Variants in MROH2B observed in about 807,000 individuals in gnomAD.
MROH2B encodes maestro heat-like repeat-containing protein family member 2B.
In MROH2B, 177 loss-of-function variants were observed where a neutral mutation model predicts 208.6. The observed-to-expected ratio is 0.85, with a 90% CI of 0.75 to 0.96. The LOEUF (loss-of-function observed/expected upper bound fraction) is 0.96, where lower values mean the gene tolerates loss of function less well. Among genes scored for constraint, MROH2B ranks in the 40% least tolerant of loss-of-function variants. The probability of loss-of-function intolerance (pLI) is 0.00; values close to 1 mark genes in which losing one functional copy is unlikely to be tolerated. For synonymous variants in MROH2B, 728 were observed against 659.0 expected, an observed-to-expected ratio of 1.10 and a Z score of -1.60; for missense variants, 2,002 against 1,878.7, an observed-to-expected ratio of 1.07 and a Z score of -1.21.
chr5:41,007,295 T>C lies in MROH2B; in HGVS notation c.3749+19A>G, dbSNP rs2111818822. ...TTGTTTTCTTCTTTGTATCTGGTTC[T>C]AGAAAAAGTGCACATTACCTGGCCA... On this transcript the variant is annotated intron_variant, in intron 34 of 41. Transcript: ENST00000399564. 2 of 1,360,556 alleles carry C rather than the reference T, an allele frequency of 1.5e-6. No homozygotes were observed. Among genetic ancestry groups the C allele is most frequent in the South Asian group, 3.8e-5 (2 of 52,098 alleles). 84.3% of individuals were successfully genotyped at this position (1,360,556 alleles called of 1,614,324 possible). A position where few individuals can be genotyped will look rare whatever the true frequency, so the allele number is the denominator to read the frequency against.
intron 40 of MROH2B, 49 bp downstream of exon 40, chr5:40,999,628 G>A: frequency 6.6e-7 from 1 of 1,518,426 alleles, no homozygotes; most frequent in Non-Finnish European, 9.0e-7. Flanking sequence ...AGCAAAACTA[G>A]GTGGAAAAAG....
At chr5:41,061,109 A>G (rs181637016) in intron 6 of MROH2B, among the ~76,000 whole-genome samples, 1 of 152,240 alleles carries the variant, frequency 6.6e-6, no homozygotes. Flanking sequence ...TATTCTTTAG[A>G]TGTTATTTTA....
At chr5:41,001,471 G>A (rs1326293390) in intron 37 of MROH2B, among the ~76,000 whole-genome samples, 1 of 152,124 alleles carries the variant, frequency 6.6e-6, no homozygotes, top group Non-Finnish European at 1.5e-5. Flanking sequence ...CAGCACTTTG[G>A]GAGCAGAGGC....
intron 24 of MROH2B, among the ~76,000 whole-genome samples, chr5:41,032,435 A>C (rs999358792): frequency 5.9e-5 from 9 of 152,120 alleles, no homozygotes; most frequent in African/African-American, 2.2e-4. Flanking sequence ...AAAGATTAAA[A>C]TTTGCCTGGA....
intron 21 of MROH2B, 103 bp downstream of exon 21, chr5:41,038,633 C>A (rs1270071457): frequency 2.6e-6 from 3 of 1,175,990 alleles, no homozygotes; most frequent in Non-Finnish European, 3.5e-6. Context: ...CTGATAAAAA[C>A]ATACCCAAGT....
At chr5:41,004,227 G>T (rs1037881659) in intron 37 of MROH2B, 119 bp downstream of exon 37, 1 of 1,184,210 alleles carries the variant, frequency 8.4e-7, no homozygotes, top group Admixed American at 2.3e-5. Context: ...CAGGTGACCT[G>T]TCTGGGGCAG....
intron 19 of MROH2B, among the ~76,000 whole-genome samples, chr5:41,040,660 A>G (rs950123069): frequency 1.3e-5 from 2 of 152,096 alleles, no homozygotes; most frequent in African/African-American, 4.8e-5. Flanking sequence ...ATTGGACGTC[A>G]CAATTTTTAT....
At chr5:41,037,501 C>T (rs1156442) in intron 21 of MROH2B, among the ~76,000 whole-genome samples, 91,726 of 151,978 alleles carry the variant, frequency 0.6, 28,166 homozygotes, top group Non-Finnish European at 0.66. Context: ...AATTCTTATG[C>T]AACTAAGGTG....
intron 19 of MROH2B, among the ~76,000 whole-genome samples, chr5:41,041,761 A>T (rs1230537568): frequency 6.6e-6 from 1 of 151,630 alleles, no homozygotes; most frequent in Non-Finnish European, 1.5e-5. Context: ...TTCTCTCTAG[A>T]TTAGTCTAGA....
rs760754254 is a variant in MROH2B at position 41,070,839 on chromosome 5, G to A, written c.14C>T (p.Thr5Ile). Residue 5 changes from threonine (T) to isoleucine (I), a missense_variant, in exon 1 of 42, where the codon ACA (threonine) becomes ATA (isoleucine). Transcript: ENST00000399564. The part of the protein sequence containing the change: MTLS[T>I]EESIEMFGDI... The stretch of plus-strand genomic sequence containing the variant: ...ATGATGCTTACCTATGGATTCCTCT[G>A]TACTAAGTGTCATGTCTTGGCTGTT... The A allele has an allele frequency of 1.2e-6, 2 of 1,611,126 alleles. No individual in the cohort carries two copies. Among genetic ancestry groups the A allele is most frequent in the South Asian group, 2.2e-5 (2 of 90,492 alleles).
At chr5:41,019,121 C>T (rs1425402269) in intron 24 of MROH2B, 103 bp from the exon 25 acceptor site, 62 of 1,438,934 alleles carry the variant, frequency 4.3e-5, no homozygotes, top group South Asian at 1.6e-4. Context: ...AGGCAACTAA[C>T]GTGTCACATT....
chr5:41,036,127 TATACACACAC>T lies in MROH2B; in HGVS notation c.2215-2273_2215-2264del, dbSNP rs1297277567. Among the ~76,000 whole-genome samples the T allele has an allele frequency of 6.4e-5, 8 of 124,326 alleles. No individual in the cohort carries two copies. In the South Asian group the frequency reaches 1.7e-3, roughly 27 times the overall value. The allele number at this position is 124,326 out of a possible 152,430, so 81.6% of individuals were successfully genotyped here. A position where few individuals can be genotyped will look rare whatever the true frequency, so the allele number is the denominator to read the frequency against. On this transcript the variant is annotated intron_variant, in intron 21 of 41. Transcript: ENST00000399564. ...CAATGTGGGAGATACATATATTATA[TATACACACAC>T]ACACACACACACACACCCCACATTT...
intron 6 of MROH2B, among the ~76,000 whole-genome samples, chr5:41,061,339 G>A (rs1579958971): frequency 6.6e-6 from 1 of 151,940 alleles, no homozygotes; most frequent in Non-Finnish European, 1.5e-5. Flanking sequence ...CTACAACCTC[G>A]GCATCTGGAA....
At chr5:41,034,004 A>G (rs2150167638) in intron 21 of MROH2B, 140 bp from the exon 22 acceptor site, 2 of 1,205,948 alleles carry the variant, frequency 1.7e-6, no homozygotes, top group Non-Finnish European at 2.1e-6. Flanking sequence ...GGGTCTTGCC[A>G]AGGGGAGGGG....
intron 37 of MROH2B, among the ~76,000 whole-genome samples, chr5:41,003,587 G>A (rs1313910723): frequency 3.3e-5 from 5 of 152,152 alleles, no homozygotes; most frequent in Non-Finnish European, 7.3e-5. Context: ...AATATTTAAT[G>A]AGCAGAAAAA....
Position 40,998,691 on chromosome 5 carries a change from G to A in MROH2B, c.4586-14C>T, listed in dbSNP as rs1188839271. ...GAACAACGGCATCTAAAGTTAATAGGAGACCATGTTACTGATTTCATTATA... is the reference window on the plus strand; with the variant it reads ...GAACAACGGCATCTAAAGTTAATAGAAGACCATGTTACTGATTTCATTATA... On this transcript the variant is annotated splice_polypyrimidine_tract_variant and intron_variant, in intron 40 of 41. Coordinates refer to ENST00000399564, the MANE Select transcript of MROH2B (RefSeq NM_173489.5). The A allele has an allele frequency of 6.4e-7, 1 of 1,568,448 alleles. No individual in the cohort carries two copies. The highest frequency in any genetic ancestry group is 2.3e-5 in the East Asian group (1 of 43,316).
At chr5:41,033,912 G>C in intron 21 of MROH2B, 48 bp from the exon 22 acceptor site, 2 of 1,547,584 alleles carry the variant, frequency 1.3e-6, no homozygotes, top group Non-Finnish European at 1.7e-6. Context: ...GTGGCATTGA[G>C]AGATATACCC....
intron 18 of MROH2B, among the ~76,000 whole-genome samples, chr5:41,044,059 G>A (rs561684309): frequency 1.4e-5 from 2 of 144,446 alleles, no homozygotes; most frequent in African/African-American, 5.2e-5. Flanking sequence ...CTAACATGGT[G>A]AAACCCCGTC....
chr5:41,011,036 T>C (rs565237962), intron 30 of MROH2B, among the ~76,000 whole-genome samples: 1 of 151,996 alleles, frequency 6.6e-6, no homozygotes, highest in Non-Finnish European at 1.5e-5. Flanking sequence ...ATGAAGATAA[T>C]AAAAGAAAGA....
Sources: gnomAD v4.1 joint callset for allele counts (sites outside exome capture counted in the v4.1 genomes callset) on GRCh38, gnomAD v4.1.1 for gene constraint, MANE v1.5 for transcripts, NCBI Gene and HGNC (gene_info 2026-07-23, HGNC 2026-07-21) for gene names.